Variants in SLC6A12 observed in about 807,000 individuals in gnomAD.
SLC6A12 encodes the protein sodium- and chloride-dependent betaine transporter.
A neutral mutation model predicts 73.3 loss-of-function variants in SLC6A12; 50 were observed. That is an observed-to-expected ratio of 0.68 (90% CI 0.54 to 0.86). SLC6A12 has a LOEUF of 0.86. Ranked by LOEUF, SLC6A12 falls within the 40% of genes least tolerant of loss-of-function variation. SLC6A12 has a pLI of 0.00. For synonymous variants in SLC6A12, 304 were observed against 309.2 expected, an observed-to-expected ratio of 0.98 and a Z score of 0.18; for missense variants, 648 against 772.8, an observed-to-expected ratio of 0.84 and a Z score of 1.92.
rs547630555 is a variant in SLC6A12 at position 209,881 on chromosome 12, G to A, written c.106C>T (p.Arg36Trp). 1.8e-5 allele frequency: 29 copies of A among 1,614,172 alleles called. No homozygotes were observed. The highest frequency in any genetic ancestry group is 3.3e-4 in the Middle Eastern group (2 of 6,062). ...DQEDEDQVKD[R>W]GQWTNKMEFV... ...TCCATCTTGTTGGTCCATTGGCCCC[G>A]ATCCTTCACCTGGTCCTCGTCTTCC... Residue 36 changes from arginine (R) to tryptophan (W), a missense_variant, in exon 3 of 16, where the codon CGG becomes TGG. Coordinates refer to ENST00000684302, the MANE Select transcript of SLC6A12 (RefSeq NM_001122848.3).
At chr12:187,139 A>C (rs1255354344), downstream of SLC6A12, among the ~76,000 whole-genome samples, 1 of 152,050 alleles carries the variant, frequency 6.6e-6, no homozygotes, top group Non-Finnish European at 1.5e-5. Flanking sequence ...TTTTCATGCC[A>C]CACTGGCCAA....
chr12:206,092 T>A (rs1466221631), intron 3 of SLC6A12, among the ~76,000 whole-genome samples: 1 of 152,240 alleles, frequency 6.6e-6, no homozygotes, highest in Non-Finnish European at 1.5e-5. Flanking sequence ...ATACATAATA[T>A]AAGCCACTTT....
chr12:196,468 A>AG (rs1220728932), intron 11 of SLC6A12, among the ~76,000 whole-genome samples: 4 of 152,142 alleles, frequency 2.6e-5, no homozygotes, highest in African/African-American at 9.7e-5. Flanking sequence ...TGAGGGTTAG[A>AG]GGGGGGTATG....
At position 204,712 on chromosome 12, in the gene SLC6A12, A is replaced by G. The variant is rs953529661; in HGVS notation, c.215-14T>C. The G allele has an allele frequency of 2.5e-6, 4 of 1,613,602 alleles. No individual in the cohort carries two copies. The highest frequency in any genetic ancestry group is 3.4e-6 in the Non-Finnish European group (4 of 1,179,928). Reference sequence around the variant, plus strand: ...TGAAGAAGGCTCCTGCAGAAGAGAGAGAGGCAGGGCTGAGCCACACCCGGG... The same window carrying G: ...TGAAGAAGGCTCCTGCAGAAGAGAGGGAGGCAGGGCTGAGCCACACCCGGG... On this transcript the variant is annotated splice_polypyrimidine_tract_variant and intron_variant, in intron 3 of 15. Transcript: ENST00000684302.
At chr12:212,826 C>A (rs1350696133) in intron 1 of SLC6A12, among the ~76,000 whole-genome samples, 1 of 152,186 alleles carries the variant, frequency 6.6e-6, no homozygotes, top group African/African-American at 2.4e-5. Flanking sequence ...CCAGCTTCGG[C>A]TGGCCGCCTC....
chr12:211,943 G>T (rs1940918327), intron 2 of SLC6A12, 83 bp downstream of exon 2: 1 of 152,222 alleles, frequency 6.6e-6, no homozygotes, highest in African/African-American at 2.4e-5. Context: ...GTGTGAGGAA[G>T]TGAAGCTCCA....
intron 10 of SLC6A12, among the ~76,000 whole-genome samples, chr12:197,138 C>T (rs113941462): frequency 0.031 from 2,262 of 74,148 alleles, 81 homozygotes; most frequent in South Asian, 0.099. Flanking sequence ...TCCATCCATC[C>T]ATCCATCCAT....
intron 13 of SLC6A12, among the ~76,000 whole-genome samples, chr12:194,895 A>G (rs1180350204): frequency 4.6e-5 from 7 of 152,230 alleles, no homozygotes; most frequent in African/African-American, 1.7e-4. Context: ...AAGTGGCAAT[A>G]AACGTCCCTT....
At chr12:192,184 T>C (rs1484921314) in intron 15 of SLC6A12, among the ~76,000 whole-genome samples, 1 of 152,216 alleles carries the variant, frequency 6.6e-6, no homozygotes, top group Non-Finnish European at 1.5e-5. Context: ...CTGTTCATGT[T>C]TGTGACTTAG....
rs537006828 is a variant in SLC6A12 at position 197,889 on chromosome 12, G to A, written c.950+11C>T. 2.0e-5 allele frequency: 15 copies of A among 749,980 alleles called. No individual in the cohort carries two copies. Among genetic ancestry groups the A allele is most frequent in the Admixed American group, 4.4e-5 (2 of 45,912 alleles). 46.5% of individuals were successfully genotyped at this position (749,980 alleles called of 1,614,324 possible). A position where few individuals can be genotyped will look rare whatever the true frequency, so the allele number is the denominator to read the frequency against. On this transcript the variant is annotated intron_variant, in intron 9 of 15. Transcript: ENST00000684302. ...CCTCCTTCACCCCACCCCGGCCCAC[G>A]CTGTTCTCACTTGTAGCAGTTGTTG...
Position 200,403 on chromosome 12 carries a change from C to T in SLC6A12, c.711+248G>A, listed in dbSNP as rs572324082. On this transcript the variant is annotated intron_variant, in intron 7 of 15. Transcript: ENST00000684302. ...GATTACAGGCGTGAGCCACTGCACCCGGCAGCCCTGAATATTCTTATGTAA... is the reference window on the plus strand; with the variant it reads ...GATTACAGGCGTGAGCCACTGCACCTGGCAGCCCTGAATATTCTTATGTAA... Among the ~76,000 whole-genome samples, 2,046 of 152,274 alleles carry T rather than the reference C, an allele frequency of 0.013. 20 individuals carry two copies. Among genetic ancestry groups the T allele is most frequent in the Non-Finnish European group, 0.017 (1,188 of 68,022 alleles).
At chr12:184,532 C>T in the SLC6A12 span, among the ~76,000 whole-genome samples, 27 of 152,242 alleles carry the variant, frequency 1.8e-4, no homozygotes, top group East Asian at 3.9e-4. Context: ...GGGCGGATCA[C>T]GAGGTCAGGA....
chr12:184,093 C>CA, the SLC6A12 span, among the ~76,000 whole-genome samples: 14 of 149,690 alleles, frequency 9.4e-5, no homozygotes, highest in South Asian at 2.1e-4. Context: ...TACTGAATAA[C>CA]AAAAAAAAAT....
Position 200,886 on chromosome 12 carries a change from A to G in SLC6A12, c.579-103T>C. ...TCTCAGAGCTGACCCCACGGATCTC[A>G]TATTCCAGGGCTTCCCCCACTCCCC... On this transcript the variant is annotated intron_variant, in intron 6 of 15. Coordinates refer to ENST00000684302, the MANE Select transcript of SLC6A12 (RefSeq NM_001122848.3). 2.4e-6 allele frequency: 3 copies of G among 1,273,296 alleles called. No individual in the cohort carries two copies. The South Asian group carries it at 4.3e-5, about 18-fold the overall frequency. 78.9% of individuals were successfully genotyped at this position (1,273,296 alleles called of 1,614,324 possible).
intron 2 of SLC6A12, 112 bp downstream of exon 2, chr12:211,914 A>G (rs1940917526): frequency 6.6e-6 from 1 of 152,224 alleles, no homozygotes; most frequent in Admixed American, 6.5e-5. Flanking sequence ...GTTAGGTGTC[A>G]CTATTAGCTC....
At position 200,802 on chromosome 12, in the gene SLC6A12, T is replaced by C. The variant is rs376440231; in HGVS notation, c.579-19A>G. On this transcript the variant is annotated intron_variant, in intron 6 of 15. Transcript: ENST00000684302. Reference sequence around the variant, plus strand: ...TCGTCTCCTGGAGGATTGGGAAAAATAAGTAATGAGGGGAAAGGCTAAAGG... The same window carrying C: ...TCGTCTCCTGGAGGATTGGGAAAAACAAGTAATGAGGGGAAAGGCTAAAGG... 9 of 1,610,532 alleles carry C rather than the reference T, an allele frequency of 5.6e-6. No individual in the cohort carries two copies. Among genetic ancestry groups the C allele is most frequent in the African/African-American group, 1.3e-5 (1 of 74,700 alleles).
At chr12:204,528 G>C (rs779960064) in intron 4 of SLC6A12, 36 bp downstream of exon 4, 2 of 1,603,832 alleles carry the variant, frequency 1.2e-6, no homozygotes, top group South Asian at 2.2e-5. Context: ...GCAAGATGGC[G>C]GCCCCATGAA....
intron 7 of SLC6A12, 168 bp from the exon 8 acceptor site, chr12:199,099 G>T: frequency 3.3e-6 from 2 of 603,276 alleles, no homozygotes; most frequent in Non-Finnish European, 5.9e-6. Flanking sequence ...ACATTCCAGT[G>T]GGTCTGTGCT....
intron 14 of SLC6A12, chr12:192,944 C>T (rs149364329): frequency 2.2e-4 from 102 of 456,718 alleles, no homozygotes; most frequent in African/African-American, 1.8e-3. Flanking sequence ...ACATCACAGA[C>T]GGAGACAGGG....
Sources: gnomAD v4.1 joint callset for allele counts (sites outside exome capture counted in the v4.1 genomes callset) on GRCh38, gnomAD v4.1.1 for gene constraint, MANE v1.5 for transcripts, NCBI Gene and HGNC (gene_info 2026-07-23, HGNC 2026-07-21) for gene names.